LOC400499: variants seen among roughly 807,000 people sequenced by gnomAD.
chr16:11,458,979 G>C, the LOC400499 span, among the ~76,000 whole-genome samples: 1 of 151,794 alleles, frequency 6.6e-6, no homozygotes, highest in Non-Finnish European at 1.5e-5. Flanking sequence ...GGAGGTTGCA[G>C]TGAGCCAAGA....
the LOC400499 span, among the ~76,000 whole-genome samples, chr16:11,374,262 TAGGTAAA>T: frequency 6.6e-6 from 1 of 152,324 alleles, no homozygotes; most frequent in Non-Finnish European, 1.5e-5. Context: ...ATGGTGTTCA[TAGGTAAA>T]ATGTTTATCA....
chr16:11,460,864 G>C, the LOC400499 span: 5 of 1,393,004 alleles, frequency 3.6e-6, no homozygotes, highest in African/African-American at 7.2e-5. Context: ...GGAAAACCCC[G>C]TGGTGACAGC....
chr16:11,460,958 C>G, the LOC400499 span: 1 of 1,529,696 alleles, frequency 6.5e-7, no homozygotes, highest in African/African-American at 1.4e-5. Flanking sequence ...GCACGCAGTG[C>G]CTTACCCAGG....
At chr16:11,438,338 C>G in the LOC400499 span, among the ~76,000 whole-genome samples, 1 of 152,146 alleles carries the variant, frequency 6.6e-6, no homozygotes, top group Non-Finnish European at 1.5e-5. Context: ...GGTGAAGATA[C>G]AGACTGACTT....
At chr16:11,403,722 G>A in the LOC400499 span, among the ~76,000 whole-genome samples, 6 of 152,194 alleles carry the variant, frequency 3.9e-5, no homozygotes, top group Admixed American at 6.5e-5. Flanking sequence ...TAAGTCTTGT[G>A]GCTGCCCAGG....
At chr16:11,488,319 C>G in the LOC400499 span, among the ~76,000 whole-genome samples, 1 of 152,094 alleles carries the variant, frequency 6.6e-6, no homozygotes, top group East Asian at 1.9e-4. Flanking sequence ...CATAAAATAA[C>G]TGATATGACT....
the LOC400499 span, among the ~76,000 whole-genome samples, chr16:11,475,044 G>T: frequency 8.3e-4 from 127 of 152,274 alleles, no homozygotes; most frequent in African/African-American, 2.9e-3. Context: ...GTAAAGTGTT[G>T]ATTTATTGAG....
At chr16:11,378,091 A>T in the LOC400499 span, among the ~76,000 whole-genome samples, 1 of 152,006 alleles carries the variant, frequency 6.6e-6, no homozygotes, top group Non-Finnish European at 1.5e-5. Context: ...GTAGAAGGTT[A>T]GGTTGTTGGT....
chr16:11,503,733 A>G, the LOC400499 span, among the ~76,000 whole-genome samples: 95,296 of 152,118 alleles, frequency 0.63, 30,164 homozygotes, highest in Admixed American at 0.71. Context: ...CAGCCTTCCC[A>G]GAATGTGCCT....
chr16:11,505,304 A>G, the LOC400499 span, among the ~76,000 whole-genome samples: 9,979 of 152,114 alleles, frequency 0.066, 893 homozygotes, highest in African/African-American at 0.2. Flanking sequence ...TCCACCACAC[A>G]GTTACAATAA....
chr16:11,446,415 C>A, the LOC400499 span: 1 of 777,918 alleles, frequency 1.3e-6, no homozygotes, highest in African/African-American at 1.7e-5. Context: ...ACCTCAGCCT[C>A]CTGCGTAGCT....
the LOC400499 span, among the ~76,000 whole-genome samples, chr16:11,438,991 G>C: frequency 3.3e-5 from 5 of 152,032 alleles, no homozygotes; most frequent in East Asian, 1.9e-4. Flanking sequence ...CCTCATCCCT[G>C]TTGGGATTCC....
the LOC400499 span, chr16:11,493,798 T>C: frequency 2.7e-6 from 1 of 373,618 alleles, no homozygotes; most frequent in Non-Finnish European, 4.6e-6. Context: ...AAGCTGGAGC[T>C]AAATCGAGAT....
the LOC400499 span, among the ~76,000 whole-genome samples, chr16:11,488,396 T>C: frequency 2.6e-5 from 4 of 152,152 alleles, no homozygotes; most frequent in Admixed American, 2.0e-4. Flanking sequence ...ACAAGCAGCA[T>C]GTAAGTTTTT....
the LOC400499 span, chr16:11,461,979 T>A: frequency 1.3e-6 from 1 of 780,358 alleles, no homozygotes; most frequent in Non-Finnish European, 1.8e-6. Context: ...GGGGCTCACA[T>A]GGAGCTTGGA....
At chr16:11,483,819 G>C in the LOC400499 span, among the ~76,000 whole-genome samples, 1 of 151,768 alleles carries the variant, frequency 6.6e-6, no homozygotes, top group African/African-American at 2.4e-5. Context: ...AGGTTGCAAT[G>C]AGCCAAGATC....
At chr16:11,391,630 C>T in the LOC400499 span, 1 of 1,231,776 alleles carries the variant, frequency 8.1e-7, no homozygotes, top group Non-Finnish European at 1.0e-6. Context: ...ACATTGATTT[C>T]CGCACAGGAT....
chr16:11,461,346 A>C, the LOC400499 span, among the ~76,000 whole-genome samples: 1 of 152,114 alleles, frequency 6.6e-6, no homozygotes, highest in African/African-American at 2.4e-5. Context: ...TAGCCTCCCG[A>C]GTAGCTGGAA....
the LOC400499 span, among the ~76,000 whole-genome samples, chr16:11,489,482 G>C: frequency 7.7e-6 from 1 of 130,078 alleles, no homozygotes; most frequent in South Asian, 2.3e-4. Context: ...TCAAATAAGA[G>C]CCTCAGGGGA....
Sources: allele counts gnomAD v4.1 joint callset (sites outside exome capture counted in the v4.1 genomes callset), GRCh38; gene constraint gnomAD v4.1.1; transcripts MANE v1.5.